NELL2: variants seen among roughly 807,000 people sequenced by gnomAD.
The protein encoded by NELL2 is protein kinase C-binding protein NELL2.
In NELL2, 41 loss-of-function variants were observed where a neutral mutation model predicts 109.6. That is an observed-to-expected ratio of 0.37 (90% CI 0.29 to 0.49). The LOEUF is 0.49. Ranked by LOEUF, NELL2 falls within the 20% of genes least tolerant of loss-of-function variation. NELL2 has a pLI of 0.98. For synonymous variants in NELL2, 355 were observed against 344.7 expected, an observed-to-expected ratio of 1.03 and a Z score of -0.33; for missense variants, 900 against 1,008.3, an observed-to-expected ratio of 0.89 and a Z score of 1.45.
At chr12:44,527,868 C>T (rs528740725) in intron 16 of NELL2, among the ~76,000 whole-genome samples, 8 of 151,836 alleles carry the variant, frequency 5.3e-5, no homozygotes, top group South Asian at 2.1e-4. Flanking sequence ...CCGAGGCGGA[C>T]GGATCACGAG....
intron 1 of NELL2, among the ~76,000 whole-genome samples, chr12:44,887,822 A>G (rs560485774): frequency 1.3e-5 from 2 of 152,098 alleles, no homozygotes; most frequent in South Asian, 4.1e-4. Context: ...TGCTGTGCAG[A>G]AGATTTTTAG....
chr12:44,788,729 G>C (rs1459038532), intron 3 of NELL2, among the ~76,000 whole-genome samples: 1 of 152,194 alleles, frequency 6.6e-6, no homozygotes, highest in Non-Finnish European at 1.5e-5. Flanking sequence ...CCAAAGCTCT[G>C]TTCTTTTGCA....
chr12:44,568,341 C>T (rs751968789), intron 15 of NELL2, among the ~76,000 whole-genome samples: 1 of 152,032 alleles, frequency 6.6e-6, no homozygotes, highest in Non-Finnish European at 1.5e-5. Context: ...GACAAAAACT[C>T]TGTATTCGTT....
chr12:44,523,192 A>C, intron 17 of NELL2, 99 bp downstream of exon 17: 1 of 1,104,284 alleles, frequency 9.1e-7, no homozygotes, highest in Non-Finnish European at 1.4e-6. Flanking sequence ...AGGTAAGTGG[A>C]TGTACACATT....
chr12:44,603,481 T>C (rs1290821727), intron 15 of NELL2, among the ~76,000 whole-genome samples: 1 of 152,154 alleles, frequency 6.6e-6, no homozygotes, highest in Non-Finnish European at 1.5e-5. Flanking sequence ...GTGTAATAAA[T>C]ACAATATGGC....
intron 13 of NELL2, among the ~76,000 whole-genome samples, chr12:44,630,856 C>T (rs1045543252): frequency 1.3e-4 from 20 of 151,922 alleles, no homozygotes; most frequent in Non-Finnish European, 2.6e-4. Context: ...GTCTCATTTT[C>T]CTGTGCTCCA....
intron 9 of NELL2, among the ~76,000 whole-genome samples, chr12:44,729,484 T>C (rs1439870239): frequency 2.7e-5 from 4 of 149,834 alleles, no homozygotes; most frequent in Admixed American, 2.0e-4. Flanking sequence ...AAAATGACAA[T>C]AGTAAGTCCT....
In NELL2 at chr12:44,874,653, G is replaced by A. The variant is rs572564708; in HGVS notation, c.184+572C>T. 2.6e-5 allele frequency among the ~76,000 whole-genome samples: 4 copies of A among 152,262 alleles called. No individual in the cohort carries two copies. The South Asian group carries it at 8.3e-4, about 32-fold the overall frequency. On this transcript the variant is annotated intron_variant, in intron 2 of 19. Transcript: ENST00000429094. ...TGAAATCTTTCCAAAATACTTTTGA[G>A]ACCATTATTCCCTTTCTCTTGTTAT... is the stretch of plus-strand genomic sequence containing the variant.
intron 9 of NELL2, among the ~76,000 whole-genome samples, chr12:44,771,338 G>GTTT (rs1555214136): frequency 0.011 from 1,505 of 133,882 alleles, 25 homozygotes; most frequent in African/African-American, 0.037. Flanking sequence ...TATAACAGAT[G>GTTT]GTTTTTTTAA....
In NELL2 at chr12:44,572,320, T is replaced by A. The variant is rs570954862; in HGVS notation, c.1663+34849A>T. Reference sequence around the variant, plus strand: ...CCATGCCCAGTTAATTAAAAAAAAATTTTTTTTTCTGTAGTGATGGGATCT... The same window carrying A: ...CCATGCCCAGTTAATTAAAAAAAAAATTTTTTTTCTGTAGTGATGGGATCT... On this transcript the variant is annotated intron_variant, in intron 15 of 19. Transcript: ENST00000429094. Among the ~76,000 whole-genome samples, 434 of 151,636 alleles carry A rather than the reference T, an allele frequency of 2.9e-3. 1 individual carries two copies. The highest frequency in any genetic ancestry group is 9.1e-3 in the African/African-American group (374 of 41,324).
intron 19 of NELL2, among the ~76,000 whole-genome samples, chr12:44,513,927 A>C (rs1941128127): frequency 6.6e-6 from 1 of 150,614 alleles, no homozygotes; most frequent in Admixed American, 6.6e-5. Context: ...CAAAAAGCCC[A>C]GCAAACACCA....
intron 3 of NELL2, among the ~76,000 whole-genome samples, chr12:44,809,909 G>T (rs1209344726): frequency 6.6e-6 from 1 of 152,018 alleles, no homozygotes; most frequent in South Asian, 2.1e-4. Flanking sequence ...CATTAACACC[G>T]TGGCTGAGAT....
intron 2 of NELL2, among the ~76,000 whole-genome samples, chr12:44,847,758 T>C (rs1294752892): frequency 6.6e-6 from 1 of 151,692 alleles, no homozygotes; most frequent in Non-Finnish European, 1.5e-5. Context: ...GGGAGCTGTA[T>C]TAAATAAGTA....
chr12:44,611,988 T>C (rs1284451219), intron 13 of NELL2, among the ~76,000 whole-genome samples: 1 of 152,082 alleles, frequency 6.6e-6, no homozygotes, highest in African/African-American at 2.4e-5. Flanking sequence ...TATTCAGGCC[T>C]AAAACAAAAT....
intron 1 of NELL2, among the ~76,000 whole-genome samples, chr12:44,896,678 T>C (rs1407385787): frequency 6.6e-6 from 1 of 152,088 alleles, no homozygotes; most frequent in Admixed American, 6.5e-5. Context: ...AAGCAGTAGA[T>C]TAACTAAGTG....
intron 3 of NELL2, among the ~76,000 whole-genome samples, chr12:44,794,417 ACAAACACGCTTT>A (rs1942545157): frequency 6.6e-6 from 1 of 152,172 alleles, no homozygotes; most frequent in Non-Finnish European, 1.5e-5. Context: ...CACTCTTCCA[ACAAACACGCTTT>A]CCTGAGACAG....
chr12:44,838,650 G>A (rs74079970), intron 2 of NELL2, among the ~76,000 whole-genome samples: 18,705 of 148,312 alleles, frequency 0.13, 1,497 homozygotes, highest in East Asian at 0.24. Context: ...ATGTATAGAA[G>A]CACACACACA....
intron 12 of NELL2, among the ~76,000 whole-genome samples, chr12:44,694,111 C>T (rs1948981141): frequency 1.3e-5 from 2 of 152,120 alleles, no homozygotes. Context: ...GGTAACCAGA[C>T]ATTTGGTAAA....
chr12:44,908,242 G>A (rs1001470322), intron 1 of NELL2, among the ~76,000 whole-genome samples: 1 of 152,000 alleles, frequency 6.6e-6, no homozygotes, highest in African/African-American at 2.4e-5. Flanking sequence ...ATAAGAAATA[G>A]AAGAGTTGTA....
Sources: gnomAD v4.1 joint callset for allele counts (sites outside exome capture counted in the v4.1 genomes callset) on GRCh38, gnomAD v4.1.1 for gene constraint, MANE v1.5 for transcripts, NCBI Gene and HGNC (gene_info 2026-07-23, HGNC 2026-07-21) for gene names.